HUS1: variants seen among roughly 807,000 people sequenced by gnomAD.
The protein encoded by HUS1 is HUS1 checkpoint clamp component, also known as checkpoint protein HUS1.
HUS1 carries 31 observed loss-of-function variants against 32.6 expected under a neutral mutation model. The ratio of observed to expected loss-of-function variants is 0.95; its 90% CI spans 0.72 to 1.28. The LOEUF (loss-of-function observed/expected upper bound fraction) is 1.28. Ranked by LOEUF, HUS1 falls within the 50% of genes most tolerant of loss-of-function variation. The pLI, the probability that HUS1 is intolerant of heterozygous loss-of-function variation, is 0.00. For synonymous variants in HUS1, 123 were observed against 116.6 expected, an observed-to-expected ratio of 1.06 and a Z score of -0.36; for missense variants, 340 against 337.7, an observed-to-expected ratio of 1.01 and a Z score of -0.05.
At chr7:47,975,237 G>A (rs1448445920) in intron 5 of HUS1, among the ~76,000 whole-genome samples, 4 of 150,198 alleles carry the variant, frequency 2.7e-5, no homozygotes, top group African/African-American at 9.8e-5. Context: ...AGAATGGCAT[G>A]AACCCGGGAG....
chr7:47,973,914 G>T (rs565795860), intron 5 of HUS1, among the ~76,000 whole-genome samples: 14 of 152,258 alleles, frequency 9.2e-5, no homozygotes, highest in African/African-American at 2.4e-5. Context: ...AATTTCTCTG[G>T]AAGTCCCCAG....
At position 47,964,031 on chromosome 7, in the gene HUS1, C is replaced by T. The variant is rs1788425305; in HGVS notation, c.*1325G>A. 1 of 152,218 alleles carries T rather than the reference C, an allele frequency of 6.6e-6. No homozygotes were observed. The highest frequency in any genetic ancestry group is 2.4e-5 in the African/African-American group (1 of 41,450). 9.4% of individuals were successfully genotyped at this position (152,218 alleles called of 1,614,324 possible). A position where few individuals can be genotyped will look rare whatever the true frequency, so the allele number is the denominator to read the frequency against. ...TAAATTTTCATGTTAGCTAGTCTTC[C>T]AATTTCATTTTATCCTAAGCAACTT... On this transcript the variant is annotated 3_prime_UTR_variant, in exon 8 of 8. Coordinates refer to ENST00000258774, the MANE Select transcript of HUS1 (RefSeq NM_004507.4).
At chr7:47,978,895 T>C in intron 1 of HUS1, 79 bp from the exon 2 acceptor site, 4 of 1,445,264 alleles carry the variant, frequency 2.8e-6, no homozygotes, top group Non-Finnish European at 3.8e-6. Context: ...GCAGAATTTC[T>C]TGTTCATCAA....
In HUS1 at chr7:47,969,285, A is replaced by G; in HGVS notation, c.574T>C (p.Leu192=). Residue 192 remains leucine (L), a synonymous_variant, in exon 6 of 8, where the codon TTG becomes CTG. Transcript: ENST00000258774. ...IEANLDGELN[L]KIETELVCVT... ...CATACTAATTCAGTTTCTATTTTCA[A>G]ATTCAATTCTCCATCTAGGTTTGCT... is the stretch of plus-strand genomic sequence containing the variant. The G allele has an allele frequency of 6.3e-7, 1 of 1,591,530 alleles. No individual in the cohort carries two copies. Among genetic ancestry groups the G allele is most frequent in the Non-Finnish European group, 8.6e-7 (1 of 1,162,560 alleles).
At chr7:47,969,112 C>G in intron 6 of HUS1, 107 bp downstream of exon 6, 1 of 626,218 alleles carries the variant, frequency 1.6e-6, no homozygotes, top group East Asian at 2.7e-5. Context: ...AAGCATGAAA[C>G]AAAGTCAACT....
rs1430672356 is a variant in HUS1 at position 47,967,668 on chromosome 7, G to A, written c.760+138C>T. 8 of 809,744 alleles carry A rather than the reference G, an allele frequency of 9.9e-6. No individual in the cohort carries two copies. In the Admixed American group the frequency reaches 2.3e-4, roughly 23 times the overall value. The allele number at this position is 809,744 out of a possible 1,614,324, so 50.2% of individuals were successfully genotyped here. The stretch of plus-strand genomic sequence containing the variant: ...AATTTAAAAAACCCCACTGTTCTAG[G>A]AAGTTAAAGTCCACATAATTGAGCT... On this transcript the variant is annotated intron_variant, in intron 7 of 7. Transcript: ENST00000258774.
At chr7:47,973,615 T>G (rs746279380) in intron 5 of HUS1, among the ~76,000 whole-genome samples, 5 of 152,226 alleles carry the variant, frequency 3.3e-5, no homozygotes, top group Non-Finnish European at 7.3e-5. Context: ...TTAATTCTAC[T>G]GCCTGTAATA....
At chr7:47,977,155 C>G (rs1788722316) in intron 3 of HUS1, among the ~76,000 whole-genome samples, 1 of 152,110 alleles carries the variant, frequency 6.6e-6, no homozygotes, top group African/African-American at 2.4e-5. Flanking sequence ...AAGCACTCCA[C>G]AGAGACCAGG....
intron 5 of HUS1, among the ~76,000 whole-genome samples, chr7:47,971,695 C>G (rs1788604243): frequency 6.6e-6 from 1 of 152,126 alleles, no homozygotes; most frequent in African/African-American, 2.4e-5. Context: ...AGTGTGTAGT[C>G]TGCTGGATAG....
In HUS1 at chr7:47,965,289, G is replaced by T; in HGVS notation, c.*67C>A. On this transcript the variant is annotated 3_prime_UTR_variant, in exon 8 of 8. Coordinates refer to ENST00000258774, the MANE Select transcript of HUS1 (RefSeq NM_004507.4). ...CTGTGAGGGCACAGACCAGTGATCA[G>T]AACACAACACCTGCGGCCTCTCCCA... 9.7e-7 allele frequency: 1 copy of T among 1,033,468 alleles called. No individual in the cohort carries two copies. The highest frequency in any genetic ancestry group is 1.3e-5 in the South Asian group (1 of 79,646). The allele number at this position is 1,033,468 out of a possible 1,614,324, so 64.0% of individuals were successfully genotyped here.
chr7:47,972,889 T>C (rs947621701), intron 5 of HUS1, among the ~76,000 whole-genome samples: 1 of 152,172 alleles, frequency 6.6e-6, no homozygotes, highest in Non-Finnish European at 1.5e-5. Context: ...AGTATGGCAA[T>C]GATGTGGTTT....
chr7:47,978,178 G>A (rs1456695785), intron 3 of HUS1: 1 of 419,832 alleles, frequency 2.4e-6, no homozygotes, highest in Admixed American at 3.9e-5. Flanking sequence ...GAAACAGAGA[G>A]GCTGGAAGTT....
In HUS1 at chr7:47,965,079, T is replaced by C; in HGVS notation, c.*277A>G. The C allele has an allele frequency of 3.2e-6, 1 of 308,132 alleles. No individual in the cohort carries two copies. Among genetic ancestry groups the C allele is most frequent in the Non-Finnish European group, 6.2e-6 (1 of 161,156 alleles). 19.1% of individuals were successfully genotyped at this position (308,132 alleles called of 1,614,324 possible). ...TACATGACGATTTTCACAACATCAA[T>C]GAGAAATTGTTCTTTAAAGTCTGAA... On this transcript the variant is annotated 3_prime_UTR_variant, in exon 8 of 8. Transcript: ENST00000258774.
intron 5 of HUS1, among the ~76,000 whole-genome samples, chr7:47,972,974 A>G (rs1562588680): frequency 1.3e-5 from 2 of 152,234 alleles, no homozygotes; most frequent in Non-Finnish European, 2.9e-5. Context: ...GCCTGGTGGT[A>G]GGTGACTGGA....
chr7:47,976,251 T>C (rs1788701520), intron 4 of HUS1: 2 of 418,954 alleles, frequency 4.8e-6, no homozygotes, highest in African/African-American at 4.1e-5. Context: ...AAACAAATTG[T>C]GAGCAAGAGG....
At chr7:47,966,984 C>T (rs959735930) in intron 7 of HUS1, among the ~76,000 whole-genome samples, 2 of 152,190 alleles carry the variant, frequency 1.3e-5, no homozygotes, top group African/African-American at 4.8e-5. Context: ...TTCTGATTCT[C>T]TTCATGTCTC....
rs771683540 is a variant in HUS1 at position 47,964,907 on chromosome 7, G to A, written c.*449C>T. On this transcript the variant is annotated 3_prime_UTR_variant, in exon 8 of 8. Transcript: ENST00000258774. ...TGTTCTTTCTGTCACTGGGCTCCAAGGGGCAGGAGCAGCGGGGTGAACACA... is the reference window on the plus strand; with the variant it reads ...TGTTCTTTCTGTCACTGGGCTCCAAAGGGCAGGAGCAGCGGGGTGAACACA... 5.8e-4 allele frequency: 71 copies of A among 121,534 alleles called. No individual in the cohort carries two copies. The highest frequency in any genetic ancestry group is 1.1e-3 in the Non-Finnish European group (59 of 52,226). 7.5% of individuals were successfully genotyped at this position (121,534 alleles called of 1,614,324 possible). A position where few individuals can be genotyped will look rare whatever the true frequency, so the allele number is the denominator to read the frequency against.
At chr7:47,979,263 T>G in intron 1 of HUS1, 1 of 601,206 alleles carries the variant, frequency 1.7e-6, no homozygotes, top group South Asian at 2.1e-5. Flanking sequence ...AAAGCCGCCT[T>G]CATCCCCACA....
chr7:47,970,187 T>C (rs1039441204), intron 5 of HUS1, among the ~76,000 whole-genome samples: 2 of 136,578 alleles, frequency 1.5e-5, no homozygotes, highest in African/African-American at 2.8e-5. Context: ...GAGCCGAGAT[T>C]GCGCCACTGC....
Sources: allele counts gnomAD v4.1 joint callset (sites outside exome capture counted in the v4.1 genomes callset), GRCh38; gene constraint gnomAD v4.1.1; transcripts MANE v1.5; gene names NCBI Gene and HGNC (gene_info 2026-07-23, HGNC 2026-07-21).